CABLES1: variants seen among roughly 807,000 people sequenced by gnomAD.
CABLES1 encodes Cdk5 and Abl enzyme substrate 1.
CABLES1 carries 36 observed loss-of-function variants against 57.8 expected under a neutral mutation model. That is an observed-to-expected ratio of 0.62 (90% CI 0.48 to 0.82). The LOEUF is 0.82. Among genes scored for constraint, CABLES1 ranks in the 40% least tolerant of loss-of-function variants. The pLI, the probability that CABLES1 is intolerant of heterozygous loss-of-function variation, is 0.00. For missense variants in CABLES1, 767 were observed against 836.6 expected (o/e 0.92, Z 1.03); for synonymous variants, 374 against 363.0 (o/e 1.03, Z -0.35).
chr18:23,163,907 A>G (rs1009441569), intron 1 of CABLES1, among the ~76,000 whole-genome samples: 4 of 152,196 alleles, frequency 2.6e-5, no homozygotes, highest in African/African-American at 7.2e-5. Context: ...ATATTAACAT[A>G]TATAATCTGT....
rs370113207 is a variant in CABLES1, at chr18:23,209,586, C to T, written c.1011-4391C>T. Among the ~76,000 whole-genome samples the T allele has an allele frequency of 3.2e-4, 49 of 152,272 alleles. 1 individual carries two copies. The highest frequency in any genetic ancestry group is 2.1e-3 in the Admixed American group (32 of 15,296). ...TGTTTGGGCTTCACTGTATTCACCC[C>T]GCCGTTACTGCAGATGTGATTTTCT... is the stretch of plus-strand genomic sequence containing the variant. On this transcript the variant is annotated intron_variant, in intron 3 of 9. Transcript: ENST00000256925.
intron 8 of CABLES1, 72 bp from the exon 9 acceptor site, chr18:23,253,657 T>C (rs2048094595): frequency 1.6e-6 from 2 of 1,248,300 alleles, no homozygotes; most frequent in Admixed American, 2.0e-5. Context: ...GCATTCAAGA[T>C]GGGGGAGTTT....
chr18:23,180,959 T>TA (rs1452503911), intron 1 of CABLES1, among the ~76,000 whole-genome samples: 1 of 152,190 alleles, frequency 6.6e-6, no homozygotes, highest in Non-Finnish European at 1.5e-5. Flanking sequence ...CTTTCTAGGC[T>TA]AATATGCCCC....
chr18:23,136,492 A>C lies in CABLES1; in HGVS notation c.730A>C (p.Thr244Pro). ...SGSRGRLNSF[T>P]QGILPIAFSR... Reference sequence around the variant, plus strand: ...CAGTCGGGGACGCCTCAACTCGTTCACTCAGGGAATCCTGCCCATCGCCTT... The same window carrying C: ...CAGTCGGGGACGCCTCAACTCGTTCCCTCAGGGAATCCTGCCCATCGCCTT... Residue 244 changes from threonine (T) to proline (P), a missense_variant, in exon 1 of 10, where the codon ACT (threonine) becomes CCT (proline). Around this residue, in one of 4 missense-constraint regions of CABLES1, gnomAD observed 529 missense variants for 622.8 expected, o/e 0.85. Coordinates refer to ENST00000256925, the MANE Select transcript of CABLES1 (RefSeq NM_001100619.3). 6.2e-7 allele frequency: 1 copy of C among 1,601,604 alleles called. No individual in the cohort carries two copies. The highest frequency in any genetic ancestry group is 8.5e-7 in the Non-Finnish European group (1 of 1,177,470).
At chr18:23,192,618 C>A (rs1177549720) in intron 2 of CABLES1, among the ~76,000 whole-genome samples, 3 of 152,240 alleles carry the variant, frequency 2.0e-5, no homozygotes, top group South Asian at 2.1e-4. Flanking sequence ...GGAAGCTCTG[C>A]TCCTGGGAAA....
intron 4 of CABLES1, among the ~76,000 whole-genome samples, chr18:23,216,723 A>G (rs902189087): frequency 2.0e-5 from 3 of 152,206 alleles, no homozygotes; most frequent in African/African-American, 7.2e-5. Flanking sequence ...TAAATTACCC[A>G]GGAAGAGGGC....
At chr18:23,189,238 C>T in intron 2 of CABLES1, 1 of 288,988 alleles carries the variant, frequency 3.5e-6, no homozygotes, top group Non-Finnish European at 6.6e-6. Flanking sequence ...TGCAGTCACA[C>T]AGTAGGTACA....
chr18:23,227,664 G>A (rs1427717104), intron 4 of CABLES1, among the ~76,000 whole-genome samples: 3 of 152,104 alleles, frequency 2.0e-5, no homozygotes, highest in Non-Finnish European at 2.9e-5. Flanking sequence ...GCACTGTATC[G>A]GAAGGGCAAC....
chr18:23,215,774 G>A (rs966773580), intron 4 of CABLES1, among the ~76,000 whole-genome samples: 4 of 148,404 alleles, frequency 2.7e-5, no homozygotes, highest in African/African-American at 1.0e-4. Context: ...TTTTTTTTGA[G>A]ACAGAGTCTT....
At chr18:23,185,082 C>T (rs1276407603) in intron 1 of CABLES1, among the ~76,000 whole-genome samples, 1 of 152,208 alleles carries the variant, frequency 6.6e-6, no homozygotes, top group African/African-American at 2.4e-5. Flanking sequence ...ACCGAATATG[C>T]TGGGTTTTAG....
Position 23,135,915 on chromosome 18 carries a change from C to A in CABLES1, c.153C>A (p.Pro51=), listed in dbSNP as rs2046815731. 1 of 1,090,624 alleles carries A rather than the reference C, an allele frequency of 9.2e-7. No individual in the cohort carries two copies. The highest frequency in any genetic ancestry group is 5.1e-5 in the Admixed American group (1 of 19,538). The allele number at this position is 1,090,624 out of a possible 1,614,324, so 67.6% of individuals were successfully genotyped here. ...AAAPAQPPPE[P]PRKPRMDPRR... is the part of the protein sequence containing the mutation. ...CGCCGGCCCAGCCGCCGCCCGAACC[C>A]CCCCGGAAGCCGCGCATGGACCCGC... The change falls in exon 1 of 10, where the codon CCC becomes CCA. Residue 51 remains proline (P), a synonymous_variant. Transcript: ENST00000256925.
intron 4 of CABLES1, chr18:23,226,943 T>C (rs151184378): frequency 6.6e-6 from 1 of 152,318 alleles, no homozygotes; most frequent in East Asian, 1.9e-4. Flanking sequence ...ATAACCATAC[T>C]TGACTGTATG....
chr18:23,173,517 A>C (rs1384255717), intron 1 of CABLES1, among the ~76,000 whole-genome samples: 5 of 152,214 alleles, frequency 3.3e-5, no homozygotes, highest in African/African-American at 1.2e-4. Flanking sequence ...GTCTAAAAAC[A>C]GTTCTAATCT....
rs1598898912 is a variant in CABLES1 at position 23,258,951 on chromosome 18, A to T, written c.*1584A>T. On this transcript the variant is annotated 3_prime_UTR_variant, in exon 10 of 10. Coordinates refer to ENST00000256925, the MANE Select transcript of CABLES1 (RefSeq NM_001100619.3). Reference sequence around the variant, plus strand: ...GAGTTTAGTCCTAAATATTTTGCTAACAAATTTCCTTGGCCAGAATCAGTT... The same window carrying T: ...GAGTTTAGTCCTAAATATTTTGCTATCAAATTTCCTTGGCCAGAATCAGTT... 2 of 151,736 alleles carry T rather than the reference A, an allele frequency of 1.3e-5. No homozygotes were observed. Among genetic ancestry groups the T allele is most frequent in the Admixed American group, 1.3e-4 (2 of 15,240 alleles). 9.4% of individuals were successfully genotyped at this position (151,736 alleles called of 1,614,324 possible).
At chr18:23,181,162 T>C (rs559731789) in intron 1 of CABLES1, among the ~76,000 whole-genome samples, 4 of 152,124 alleles carry the variant, frequency 2.6e-5, no homozygotes, top group Non-Finnish European at 5.9e-5. Flanking sequence ...CTGGACTCTG[T>C]TGACCAGACT....
chr18:23,207,531 G>A (rs1473197896), intron 3 of CABLES1, among the ~76,000 whole-genome samples: 4 of 152,036 alleles, frequency 2.6e-5, no homozygotes, highest in African/African-American at 4.8e-5. Context: ...GTTCAGTAGC[G>A]CCCCCTAGTT....
intron 7 of CABLES1, 72 bp from the exon 8 acceptor site, chr18:23,252,888 C>A: frequency 1.0e-6 from 1 of 1,003,978 alleles, no homozygotes; most frequent in Non-Finnish European, 1.6e-6. Context: ...GTAAGTTGGT[C>A]GTAGTTGGTG....
chr18:23,259,977 T>C lies in CABLES1; in HGVS notation c.*2610T>C, dbSNP rs1205753476. ...GATAATACTAGCCGGTTCTGCCTGA[T>C]TCCTTTTCCCCCGGAGCCAGCCTAG... On this transcript the variant is annotated 3_prime_UTR_variant, in exon 10 of 10. Transcript: ENST00000256925. 4 of 122,950 alleles carry C rather than the reference T, an allele frequency of 3.3e-5. No homozygotes were observed. Among genetic ancestry groups the C allele is most frequent in the Non-Finnish European group, 7.2e-5 (4 of 55,662 alleles). The allele number at this position is 122,950 out of a possible 1,614,324, so 7.6% of individuals were successfully genotyped here.
chr18:23,169,103 C>G (rs568643291), intron 1 of CABLES1, among the ~76,000 whole-genome samples: 1 of 152,262 alleles, frequency 6.6e-6, no homozygotes, highest in East Asian at 1.9e-4. Context: ...CTCTGGTCAT[C>G]CTCACTGCTA....
Sources: gnomAD v4.1 joint callset for allele counts (sites outside exome capture counted in the v4.1 genomes callset) on GRCh38, gnomAD v4.1.1 for gene constraint, gnomAD v4.1.1 regional missense constraint, MANE v1.5 for transcripts, NCBI Gene and HGNC (gene_info 2026-07-23, HGNC 2026-07-21) for gene names.